TRABD2B: variants seen among roughly 807,000 people sequenced by gnomAD.
TRABD2B encodes the protein TraB domain containing 2B.
A neutral mutation model predicts 40.1 loss-of-function variants in TRABD2B; 14 were observed. The observed-to-expected ratio is 0.35, with a 90% CI of 0.23 to 0.55. TRABD2B has a LOEUF of 0.55. Among genes scored for constraint, TRABD2B ranks in the 20% least tolerant of loss-of-function variants. The pLI is 0.90. For synonymous variants in TRABD2B, 263 were observed against 277.0 expected (o/e 0.95, Z 0.50); for missense variants, 541 against 648.6 (o/e 0.83, Z 1.80).
chr1:47,857,905 T>G (rs1208672609), intron 2 of TRABD2B, among the ~76,000 whole-genome samples: 1 of 106,820 alleles, frequency 9.4e-6, no homozygotes, highest in Non-Finnish European at 1.8e-5. Context: ...CCACCCCTTA[T>G]CCACAGTTTC....
At chr1:47,791,193 C>G (rs902825084) in intron 4 of TRABD2B, among the ~76,000 whole-genome samples, 2 of 152,170 alleles carry the variant, frequency 1.3e-5, no homozygotes, top group Non-Finnish European at 2.9e-5. Flanking sequence ...GCCAGGCAGG[C>G]GGAGGCTCAA....
intron 4 of TRABD2B, among the ~76,000 whole-genome samples, chr1:47,787,894 G>A (rs1358758736): frequency 6.6e-6 from 1 of 152,132 alleles, no homozygotes; most frequent in Non-Finnish European, 1.5e-5. Flanking sequence ...AATCCTGGAG[G>A]CCTATGGGAG....
At position 47,790,154 on chromosome 1, in the gene TRABD2B, C is replaced by T. The variant is rs114983859; in HGVS notation, c.988+4432G>A. Reference sequence around the variant, plus strand: ...TAAATTTAGCTAACAAGGAATTCACCACCTTGTACTTATTTTTCTGTTAAT... The same window carrying T: ...TAAATTTAGCTAACAAGGAATTCACTACCTTGTACTTATTTTTCTGTTAAT... On this transcript the variant is annotated intron_variant, in intron 4 of 6. Transcript: ENST00000606738. 7.0e-3 allele frequency among the ~76,000 whole-genome samples: 1,073 copies of T among 152,244 alleles called. 12 individuals are homozygous for T. The highest frequency in any genetic ancestry group is 0.025 in the African/African-American group (1,032 of 41,548).
intron 2 of TRABD2B, among the ~76,000 whole-genome samples, chr1:47,916,735 T>C (rs1644834980): frequency 6.6e-6 from 1 of 152,308 alleles, no homozygotes; most frequent in African/African-American, 2.4e-5. Context: ...CTGGGGGGGC[T>C]TGCACCCCCT....
chr1:47,886,656 A>G lies in TRABD2B; in HGVS notation c.667-85037T>C, dbSNP rs549684325. The stretch of plus-strand genomic sequence containing the variant: ...CTTTTAATCATTTGTTCATTCGTTC[A>G]TTCATTCATTCTTCTATTCCTTCAG... On this transcript the variant is annotated intron_variant, in intron 2 of 6. Transcript: ENST00000606738. Among the ~76,000 whole-genome samples, 5 of 152,258 alleles carry G rather than the reference A, an allele frequency of 3.3e-5. No homozygotes were observed. In the South Asian group the frequency reaches 6.2e-4, roughly 19 times the overall value.
chr1:47,918,189 G>A (rs1466121227), intron 2 of TRABD2B, among the ~76,000 whole-genome samples: 1 of 152,180 alleles, frequency 6.6e-6, no homozygotes, highest in Non-Finnish European at 1.5e-5. Flanking sequence ...ACACTGCATG[G>A]AAGGCAAGGG....
At chr1:47,951,527 G>C (rs1426530288) in intron 2 of TRABD2B, among the ~76,000 whole-genome samples, 1 of 152,226 alleles carries the variant, frequency 6.6e-6, no homozygotes, top group Non-Finnish European at 1.5e-5. Context: ...TGCCAGGTAT[G>C]TGGGTGAGTT....
chr1:47,807,419 G>C (rs188024495), intron 2 of TRABD2B, among the ~76,000 whole-genome samples: 2 of 152,296 alleles, frequency 1.3e-5, no homozygotes, highest in Admixed American at 1.3e-4. Context: ...GACTACTAAT[G>C]GCCCAGACCA....
rs117989006 is a variant in TRABD2B, at chr1:47,844,057, G to A, written c.667-42438C>T. 3.2e-4 allele frequency among the ~76,000 whole-genome samples: 48 copies of A among 152,304 alleles called. No homozygotes were observed. The East Asian group carries it at 8.3e-3, about 26-fold the overall frequency. On this transcript the variant is annotated intron_variant, in intron 2 of 6. Transcript: ENST00000606738. ...ACCCCACAAGGAAAAGCTGGAGCTCGGAAGCAGGTAATTTCAGCCAAGTGC... is the reference window on the plus strand; with the variant it reads ...ACCCCACAAGGAAAAGCTGGAGCTCAGAAGCAGGTAATTTCAGCCAAGTGC...
chr1:47,886,017 G>A (rs1644366192), intron 2 of TRABD2B, among the ~76,000 whole-genome samples: 1 of 152,180 alleles, frequency 6.6e-6, no homozygotes, highest in South Asian at 2.1e-4. Flanking sequence ...TCTTTATTTT[G>A]TAGCTATTGG....
intron 3 of TRABD2B, among the ~76,000 whole-genome samples, chr1:47,795,359 G>A (rs1644734283): frequency 6.6e-6 from 1 of 152,214 alleles, no homozygotes; most frequent in Admixed American, 6.5e-5. Flanking sequence ...CTGAACCTCA[G>A]CAGATGCTGA....
intron 2 of TRABD2B, among the ~76,000 whole-genome samples, chr1:47,890,246 G>A (rs909632863): frequency 3.9e-5 from 6 of 152,202 alleles, no homozygotes; most frequent in African/African-American, 9.6e-5. Context: ...TAACAGGATC[G>A]GGGTCAGGTG....
intron 2 of TRABD2B, among the ~76,000 whole-genome samples, chr1:47,912,721 C>T: frequency 6.6e-6 from 1 of 152,140 alleles, no homozygotes; most frequent in East Asian, 1.9e-4. Context: ...TCGGTCACCT[C>T]AGGTTGGGGG....
intron 4 of TRABD2B, among the ~76,000 whole-genome samples, chr1:47,785,761 C>A (rs999107452): frequency 2.0e-5 from 3 of 152,246 alleles, no homozygotes; most frequent in Admixed American, 2.0e-4. Context: ...AGCCAGGGAT[C>A]TCCATGGCCA....
intron 2 of TRABD2B, among the ~76,000 whole-genome samples, chr1:47,825,634 G>A (rs924718167): frequency 1.3e-5 from 2 of 152,196 alleles, no homozygotes; most frequent in African/African-American, 4.8e-5. Context: ...AGCCTGGTGC[G>A]GAGTAGGTGC....
intron 2 of TRABD2B, among the ~76,000 whole-genome samples, chr1:47,965,417 C>T (rs1337081142): frequency 6.6e-6 from 1 of 151,894 alleles, no homozygotes; most frequent in East Asian, 1.9e-4. Flanking sequence ...CCTTGGGGGC[C>T]AGGAAGTCTA....
chr1:47,802,595 C>T (rs1644837562), intron 2 of TRABD2B, among the ~76,000 whole-genome samples: 1 of 152,214 alleles, frequency 6.6e-6, no homozygotes, highest in Non-Finnish European at 1.5e-5. Context: ...AGGAGGCTGT[C>T]TCAGGGAACT....
intron 2 of TRABD2B, among the ~76,000 whole-genome samples, chr1:47,955,176 T>C (rs1054971569): frequency 1.6e-4 from 25 of 152,098 alleles, no homozygotes; most frequent in Admixed American, 1.5e-3. Flanking sequence ...TTCATGACAT[T>C]TCTCCCATCT....
rs4531328 is a variant in TRABD2B, at chr1:47,994,520, G to A, written c.180C>T (p.Pro60=). Reference sequence around the variant, plus strand: ...GGATGAAGTCCCAGACGCGGGTGTAGGGGACGTGAATAGTGCCAAACAGGT... The same window carrying A: ...GGATGAAGTCCCAGACGCGGGTGTAAGGGACGTGAATAGTGCCAAACAGGT... The part of the protein sequence containing the change: ...PAYLFGTIHV[P]YTRVWDFIPD... Residue 60 remains proline (P), a synonymous_variant, in exon 2 of 7, where the codon CCC becomes CCT. Coordinates refer to ENST00000606738, the MANE Select transcript of TRABD2B (RefSeq NM_001194986.2). This position sits in a 1 kb window ranked among gnomAD's most constrained non-coding sequence, Gnocchi z 6.7. The A allele has an allele frequency of 2.2e-3, 3,424 of 1,536,154 alleles. 63 individuals carry two copies. The African/African-American group carries it at 0.039, about 17-fold the overall frequency.
Sources: allele counts gnomAD v4.1 joint callset (sites outside exome capture counted in the v4.1 genomes callset), GRCh38; gene constraint gnomAD v4.1.1; non-coding constraint Gnocchi (gnomAD v3.1); transcripts MANE v1.5; gene names NCBI Gene and HGNC (gene_info 2026-07-23, HGNC 2026-07-21).